NPM2: variants seen among roughly 807,000 people sequenced by gnomAD.
NPM2 encodes nucleoplasmin-2.
NPM2 carries 25 observed loss-of-function variants against 32.0 expected under a neutral mutation model. The ratio of observed to expected loss-of-function variants is 0.78; its 90% CI spans 0.57 to 1.09. The LOEUF (loss-of-function observed/expected upper bound fraction) is 1.09. Ranked by LOEUF, NPM2 falls within the 50% of genes least tolerant of loss-of-function variation. The pLI, the probability that NPM2 is intolerant of heterozygous loss-of-function variation, is 0.00. For missense variants in NPM2, 282 were observed against 259.9 expected, an observed-to-expected ratio of 1.08 and a Z score of -0.58; for synonymous variants, 111 against 94.2, an observed-to-expected ratio of 1.18 and a Z score of -1.04.
In NPM2 at chr8:22,034,107, A is replaced by G. The variant is rs1800533163; in HGVS notation, c.365-2A>G. 6.3e-7 allele frequency: 1 copy of G among 1,584,088 alleles called. No individual in the cohort carries two copies. The highest frequency in any genetic ancestry group is 8.6e-7 in the Non-Finnish European group (1 of 1,167,654). On this transcript the variant is annotated splice_acceptor_variant, in intron 6 of 9. Transcript: ENST00000518119. LOFTEE classifies it high-confidence loss of function. ...CCTGCATCCTTTCCCATGCTATTAC[A>G]GAAGCATCAGACCTAACCTGGGAGG...
chr8:22,027,286 G>A (rs1286312725), intron 5 of NPM2, among the ~76,000 whole-genome samples: 1 of 152,100 alleles, frequency 6.6e-6, no homozygotes, highest in African/African-American at 2.4e-5. Context: ...GGAGGTTTGG[G>A]AGACCCCTCT....
chr8:22,030,138 C>T (rs2117455487), intron 5 of NPM2, among the ~76,000 whole-genome samples: 1 of 152,308 alleles, frequency 6.6e-6, no homozygotes, highest in South Asian at 2.1e-4. Context: ...TTAAATCTCT[C>T]CCTCTCTGCC....
In NPM2 at chr8:22,025,035, G is replaced by A. The variant is rs1010559276; in HGVS notation, c.-33-181G>A. On this transcript the variant is annotated intron_variant, in intron 2 of 9. Coordinates refer to ENST00000518119, the MANE Select transcript of NPM2 (RefSeq NM_001286680.2). ...CGCGCCCGGTCGAGCCCCGGGCTGC[G>A]CACCCCGCTAGGAGGTGGGTACTCG... 7.2e-6 allele frequency: 4 copies of A among 557,212 alleles called. No individual in the cohort carries two copies. In the South Asian group the frequency reaches 7.3e-5, roughly 10 times the overall value. 34.5% of individuals were successfully genotyped at this position (557,212 alleles called of 1,614,324 possible). A position where few individuals can be genotyped will look rare whatever the true frequency, so the allele number is the denominator to read the frequency against.
chr8:22,032,781 A>G (rs1315964904), intron 5 of NPM2, among the ~76,000 whole-genome samples: 1 of 152,112 alleles, frequency 6.6e-6, no homozygotes, highest in Non-Finnish European at 1.5e-5. Flanking sequence ...TCCTGCCCTC[A>G]TGACCCCAAA....
At chr8:22,035,603 T>C (rs975781812) in intron 8 of NPM2, among the ~76,000 whole-genome samples, 3 of 152,210 alleles carry the variant, frequency 2.0e-5, no homozygotes. Context: ...CAGCAGGACA[T>C]AAAGTCATTT....
chr8:22,028,300 A>G (rs1800321737), intron 5 of NPM2, among the ~76,000 whole-genome samples: 1 of 151,032 alleles, frequency 6.6e-6, no homozygotes, highest in Non-Finnish European at 1.5e-5. Context: ...GGCTCTTAAC[A>G]GAAAGTTTCC....
At chr8:22,027,981 A>G (rs111647171) in intron 5 of NPM2, among the ~76,000 whole-genome samples, 2,904 of 152,110 alleles carry the variant, frequency 0.019, 103 homozygotes, top group African/African-American at 0.067. Flanking sequence ...TTATACCCCA[A>G]TGGACCACAT....
At chr8:22,025,573 C>T (rs747300646) in intron 4 of NPM2, 52 bp downstream of exon 4, 19 of 1,613,256 alleles carry the variant, frequency 1.2e-5, no homozygotes, top group Non-Finnish European at 1.5e-5. Context: ...ACTTTCTGGT[C>T]CCAACGGAGG....
Position 22,025,843 on chromosome 8 carries a change from C to T in NPM2, c.270+71C>T. 3 of 1,599,892 alleles carry T rather than the reference C, an allele frequency of 1.9e-6. 1 individual carries two copies. Among genetic ancestry groups the T allele is most frequent in the East Asian group, 2.2e-5 (1 of 44,778 alleles). ...TCACCCTTGGGTGGGGATGGACACA[C>T]ACGAGGGTGCATTCACCCTACAGAA... On this transcript the variant is annotated intron_variant, in intron 5 of 9. Coordinates refer to ENST00000518119, the MANE Select transcript of NPM2 (RefSeq NM_001286680.2).
At chr8:22,034,693 A>C in intron 8 of NPM2, 149 bp downstream of exon 8, 1 of 642,042 alleles carries the variant, frequency 1.6e-6, no homozygotes, top group Non-Finnish European at 2.7e-6. Context: ...GGAAGTGCTG[A>C]AGGGTGGCAT....
rs1434260232 is a variant in NPM2, at chr8:22,025,016, CGGTCGAGCCCCG to C, written c.-34+189_-33-186del. On this transcript the variant is annotated intron_variant, in intron 2 of 9. Coordinates refer to ENST00000518119, the MANE Select transcript of NPM2 (RefSeq NM_001286680.2). ...TGAGTCCCGCTGTCCTGTACGCGCCCGGTCGAGCCCCGGGCTGCGCACCCCGCTAGGAGGTGG... is the reference window on the plus strand; with the variant it reads ...TGAGTCCCGCTGTCCTGTACGCGCCCGGCTGCGCACCCCGCTAGGAGGTGG... 2.8e-5 allele frequency: 15 copies of C among 544,660 alleles called. No individual in the cohort carries two copies. In the East Asian group the frequency reaches 4.9e-4, roughly 18 times the overall value. 33.7% of individuals were successfully genotyped at this position (544,660 alleles called of 1,614,324 possible).
At chr8:22,031,546 A>T (rs1301454894) in intron 5 of NPM2, among the ~76,000 whole-genome samples, 1 of 152,208 alleles carries the variant, frequency 6.6e-6, no homozygotes, top group Admixed American at 6.5e-5. Flanking sequence ...CCTGGGTTCA[A>T]GCAGTTCTCC....
rs1188329379 is a variant in NPM2 at position 22,034,138 on chromosome 8, G to A, written c.394G>A (p.Glu132Lys). The A allele has an allele frequency of 6.2e-7, 1 of 1,608,720 alleles. No individual in the cohort carries two copies. Among genetic ancestry groups the A allele is most frequent in the Admixed American group, 1.7e-5 (1 of 59,706 alleles). ...ATCAGACCTAACCTGGGAGGAGGAG[G>A]AGGAAGAAGAAGGGGAGGAGGAGGA... Reference protein sequence around the residue: ...EASDLTWEEEEEEEGEEEEEE... With the variant: ...EASDLTWEEEKEEEGEEEEEE... The change falls in exon 7 of 10, where the codon GAG becomes AAG. Residue 132 changes from glutamate to lysine, a missense_variant. Physicochemically the swap from Glu to Lys is moderately conservative, Grantham distance 56. Transcript: ENST00000518119.
chr8:22,025,572 T>A (rs1260194833), intron 4 of NPM2, 51 bp downstream of exon 4: 1 of 1,613,422 alleles, frequency 6.2e-7, no homozygotes, highest in Non-Finnish European at 8.5e-7. Flanking sequence ...AACTTTCTGG[T>A]CCCAACGGAG....
At chr8:22,025,900 T>C in intron 5 of NPM2, 128 bp downstream of exon 5, 1 of 1,373,308 alleles carries the variant, frequency 7.3e-7, no homozygotes, top group Non-Finnish European at 1.0e-6. Flanking sequence ...GCACAGCCCA[T>C]GCAGAAAGCC....
rs1427523886 is a variant in NPM2, at chr8:22,024,163, C to T, written c.-601C>T. The T allele has an allele frequency of 6.6e-6, 1 of 152,542 alleles. No individual in the cohort carries two copies. The highest frequency in any genetic ancestry group is 1.9e-4 in the East Asian group (1 of 5,194). 9.4% of individuals were successfully genotyped at this position (152,542 alleles called of 1,614,324 possible). On this transcript the variant is annotated 5_prime_UTR_variant, in exon 1 of 10. Coordinates refer to ENST00000518119, the MANE Select transcript of NPM2 (RefSeq NM_001286680.2). ...TGCTCCCCGCCCCCTGCCGCGGCGC[C>T]TCGCCTCCCGGCTCACCTCCCCACC...
At chr8:22,035,766 T>C (rs926261746) in intron 8 of NPM2, among the ~76,000 whole-genome samples, 6 of 151,936 alleles carry the variant, frequency 3.9e-5, no homozygotes, top group African/African-American at 1.5e-4. Context: ...AAACCCTGTC[T>C]CTACTAAAAT....
chr8:22,030,964 C>T (rs1343953042), intron 5 of NPM2, among the ~76,000 whole-genome samples: 5 of 152,160 alleles, frequency 3.3e-5, no homozygotes, highest in Non-Finnish European at 7.3e-5. Context: ...TAATTTTATA[C>T]GGTGAGCTCA....
At chr8:22,032,064 TCA>T (rs1179382886) in intron 5 of NPM2, among the ~76,000 whole-genome samples, 2 of 152,232 alleles carry the variant, frequency 1.3e-5, no homozygotes, top group African/African-American at 4.8e-5. Flanking sequence ...ACTCTAAGTC[TCA>T]GTTTCCTCCT....
Sources: gnomAD v4.1 joint callset for allele counts (sites outside exome capture counted in the v4.1 genomes callset) on GRCh38, gnomAD v4.1.1 for gene constraint, MANE v1.5 for transcripts, NCBI Gene and HGNC (gene_info 2026-07-23, HGNC 2026-07-21) for gene names.